The following DIP2C variants were observed in gnomAD, a reference collection of about 807,000 sequenced individuals.
The protein encoded by DIP2C is disco-interacting protein 2 homolog C.
A neutral mutation model predicts 192.4 loss-of-function variants in DIP2C; 33 were observed. The ratio of observed to expected loss-of-function variants is 0.17; its 90% confidence interval spans 0.13 to 0.23. DIP2C has a LOEUF of 0.23. DIP2C is among the 10% of genes least tolerant of loss of function. DIP2C has a pLI of 1.00. For synonymous variants in DIP2C, 979 were observed against 864.1 expected (o/e 1.13, Z -2.33); for missense variants, 1,537 against 2,110.1 (o/e 0.73, Z 5.32).
intron 1 of DIP2C, among the ~76,000 whole-genome samples, chr10:541,310 C>T (rs185487778): frequency 6.6e-6 from 1 of 152,282 alleles, no homozygotes; most frequent in East Asian, 1.9e-4. Context: ...AATGTCAAAG[C>T]ACAGACATGC....
intron 2 of DIP2C, among the ~76,000 whole-genome samples, chr10:481,548 T>A (rs1349353034): frequency 6.6e-6 from 1 of 152,236 alleles, no homozygotes; most frequent in Non-Finnish European, 1.5e-5. Context: ...TTCCACTGAT[T>A]GGATGGTGCT....
intron 1 of DIP2C, among the ~76,000 whole-genome samples, chr10:604,602 T>G (rs1341423158): frequency 2.0e-5 from 3 of 152,256 alleles, no homozygotes; most frequent in Non-Finnish European, 4.4e-5. Context: ...ATAAGGAGCT[T>G]TCAACTTTAG....
intron 1 of DIP2C, among the ~76,000 whole-genome samples, chr10:495,992 A>G (rs1005542133): frequency 6.8e-6 from 1 of 147,206 alleles, no homozygotes; most frequent in Non-Finnish European, 1.5e-5. Context: ...ACCTGAAGAA[A>G]TGTTGAGTGC....
At chr10:578,970 AT>A (rs1850371984) in intron 1 of DIP2C, among the ~76,000 whole-genome samples, 1 of 152,168 alleles carries the variant, frequency 6.6e-6, no homozygotes, top group Non-Finnish European at 1.5e-5. Context: ...ACACATCCAG[AT>A]CCATGTAGTG....
In DIP2C at chr10:455,145, G is replaced by A. The variant is rs180684605; in HGVS notation, c.269-14149C>T. 2.0e-3 allele frequency among the ~76,000 whole-genome samples: 307 copies of A among 152,318 alleles called. 1 individual carries two copies. The highest frequency in any genetic ancestry group is 0.01 in the Middle Eastern group (3 of 294). ...CAGCAGAGCAGGAAGACGTAGGTTC[G>A]GGAGCCAGGCCGCACCGGTTCAAAC... On this transcript the variant is annotated intron_variant, in intron 3 of 36. Coordinates refer to ENST00000280886, the MANE Select transcript of DIP2C (RefSeq NM_014974.3).
At chr10:539,193 C>CAT (rs1847849591) in intron 1 of DIP2C, among the ~76,000 whole-genome samples, 1 of 152,208 alleles carries the variant, frequency 6.6e-6, no homozygotes, top group South Asian at 2.1e-4. Context: ...ATAGAGTGCT[C>CAT]ATATTAATCC....
intron 1 of DIP2C, among the ~76,000 whole-genome samples, chr10:572,470 TC>T (rs1206841246): frequency 6.6e-6 from 1 of 152,172 alleles, no homozygotes; most frequent in Non-Finnish European, 1.5e-5. Context: ...GATGACACTC[TC>T]TCAATATTCC....
chr10:371,963 G>C lies in DIP2C; in HGVS notation c.1992-2330C>G, dbSNP rs928914493. On this transcript the variant is annotated intron_variant, in intron 17 of 36. Transcript: ENST00000280886. ...AAGCCACATGAAAGCAAAATGCTAGGCTAGCCAAGATTGAGAACACTGACC... is the reference window on the plus strand; with the variant it reads ...AAGCCACATGAAAGCAAAATGCTAGCCTAGCCAAGATTGAGAACACTGACC... Among the ~76,000 whole-genome samples, 4 of 152,148 alleles carry C rather than the reference G, an allele frequency of 2.6e-5. No individual in the cohort carries two copies. In the South Asian group the frequency reaches 8.3e-4, roughly 32 times the overall value.
chr10:531,961 T>C (rs1847398676), intron 1 of DIP2C, among the ~76,000 whole-genome samples: 1 of 152,222 alleles, frequency 6.6e-6, no homozygotes, highest in Non-Finnish European at 1.5e-5. Flanking sequence ...GTTTTATAGA[T>C]AAACAGAGAA....
chr10:623,589 G>C (rs2131847097), intron 1 of DIP2C, among the ~76,000 whole-genome samples: 3 of 88,730 alleles, frequency 3.4e-5, no homozygotes, highest in Non-Finnish European at 6.8e-5. Flanking sequence ...CTGAGGGGAG[G>C]AGGGGAGGGA....
chr10:671,107 G>T (rs1830610860), intron 1 of DIP2C, among the ~76,000 whole-genome samples: 1 of 152,258 alleles, frequency 6.6e-6, no homozygotes, highest in Non-Finnish European at 1.5e-5. Flanking sequence ...ACGTGGCTAT[G>T]ACCCCATCCC....
chr10:365,963 A>G (rs1960144408), intron 19 of DIP2C, among the ~76,000 whole-genome samples: 1 of 152,246 alleles, frequency 6.6e-6, no homozygotes, highest in Non-Finnish European at 1.5e-5. Flanking sequence ...TCCCCAGGCA[A>G]GGCCCTTCAC....
rs2119127091 is a variant in DIP2C, at chr10:689,545, G to A, written c.34C>T (p.Pro12Ser). Residue 12 changes from proline to serine, a missense_variant, in exon 1 of 37, where the codon CCC becomes TCC. Physicochemically the swap from Pro to Ser is moderately conservative, Grantham distance 74. Transcript: ENST00000280886. This position sits in a 1 kb window ranked among gnomAD's most constrained non-coding sequence, Gnocchi z 6.1. ...ADRSLEGMAL[P>S]LEVRARLAEL... ...GCCAGGCGCGCCCGCACCTCCAGGG[G>A]CAGCGCCATGCCCTCCAGGCTGCGG... 1 of 1,288,468 alleles carries A rather than the reference G, an allele frequency of 7.8e-7. No homozygotes were observed. 79.8% of individuals were successfully genotyped at this position (1,288,468 alleles called of 1,614,324 possible). A position where few individuals can be genotyped will look rare whatever the true frequency, so the allele number is the denominator to read the frequency against.
intron 1 of DIP2C, among the ~76,000 whole-genome samples, chr10:578,932 G>A (rs533404320): frequency 2.0e-5 from 3 of 151,638 alleles, no homozygotes; most frequent in East Asian, 3.9e-4. Flanking sequence ...TAGGCACACT[G>A]TAACATGTGT....
chr10:451,153 C>T (rs1042951942), intron 3 of DIP2C, among the ~76,000 whole-genome samples: 8 of 152,168 alleles, frequency 5.3e-5, no homozygotes, highest in Non-Finnish European at 8.8e-5. Flanking sequence ...ACACCACATC[C>T]GGAACAGGCG....
Position 519,156 on chromosome 10 carries a change from C to T in DIP2C, c.86-32626G>A, listed in dbSNP as rs186875882. ...CACTGGAGTCCTTGGCTCAGGTAAC[C>T]CAGGCCTAAGCCGCTGGCACCAACG... On this transcript the variant is annotated intron_variant, in intron 1 of 36. Coordinates refer to ENST00000280886, the MANE Select transcript of DIP2C (RefSeq NM_014974.3). Among the ~76,000 whole-genome samples the T allele has an allele frequency of 2.4e-4, 37 of 152,348 alleles. 1 individual carries two copies. In the East Asian group the frequency reaches 5.8e-3, roughly 24 times the overall value.
At chr10:378,828 CAGATGTGAACAGACATGCAT>C (rs1473500145) in intron 17 of DIP2C, among the ~76,000 whole-genome samples, 3 of 151,814 alleles carry the variant, frequency 2.0e-5, no homozygotes, top group Non-Finnish European at 4.4e-5. Context: ...CAGACATGCA[CAGATGTGAACAGACATGCAT>C]AGACACATGT....
chr10:492,640 C>T (rs773592643), intron 1 of DIP2C, among the ~76,000 whole-genome samples: 3 of 152,136 alleles, frequency 2.0e-5, no homozygotes, highest in Admixed American at 2.0e-4. Flanking sequence ...ATTTAATTAA[C>T]GGTAGGAGCA....
At chr10:454,354 A>G (rs1969106085) in intron 3 of DIP2C, among the ~76,000 whole-genome samples, 1 of 152,184 alleles carries the variant, frequency 6.6e-6, no homozygotes. Context: ...TTAAAGTACT[A>G]AAAAGGGATA....
Sources: gnomAD v4.1 joint callset for allele counts (sites outside exome capture counted in the v4.1 genomes callset) on GRCh38, gnomAD v4.1.1 for gene constraint, Gnocchi (gnomAD v3.1) non-coding constraint, MANE v1.5 for transcripts, NCBI Gene and HGNC (gene_info 2026-07-23, HGNC 2026-07-21) for gene names.